CWC27: variants seen among roughly 807,000 people sequenced by gnomAD.
The protein encoded by CWC27 is spliceosome-associated protein CWC27 homolog.
A neutral mutation model predicts 63.6 loss-of-function variants in CWC27; 47 were observed. That is an observed-to-expected ratio of 0.74 (90% CI 0.58 to 0.94). The LOEUF is 0.94. Ranked by LOEUF, CWC27 falls within the 40% of genes least tolerant of loss-of-function variation. CWC27 has a pLI of 0.00. For synonymous variants in CWC27, 175 were observed against 179.8 expected (o/e 0.97, Z 0.22); for missense variants, 495 against 554.3 (o/e 0.89, Z 1.07).
rs140158447 is a variant in CWC27, at chr5:64,812,861, C to T, written c.938+8475C>T. Among the ~76,000 whole-genome samples, 399 of 152,136 alleles carry T rather than the reference C, an allele frequency of 2.6e-3. 3 individuals are homozygous for T. Among genetic ancestry groups the T allele is most frequent in the African/African-American group, 9.4e-3 (389 of 41,508 alleles). On this transcript the variant is annotated intron_variant, in intron 10 of 13. Transcript: ENST00000381070. The stretch of plus-strand genomic sequence containing the variant: ...ATTAATTACAATTCAGTATGACAAG[C>T]GCTCTGCTAGACGTGCATACAAAGT...
intron 13 of CWC27, among the ~76,000 whole-genome samples, chr5:64,996,940 GTGT>G (rs777330019): frequency 1.3e-5 from 2 of 152,000 alleles, no homozygotes; most frequent in African/African-American, 2.4e-5. Flanking sequence ...GTGATTGTTG[GTGT>G]TGTTGTTGTT....
chr5:65,017,659 A>C (rs1330828255), intron 13 of CWC27, among the ~76,000 whole-genome samples: 1 of 152,250 alleles, frequency 6.6e-6, no homozygotes, highest in Non-Finnish European at 1.5e-5. Flanking sequence ...CCCAGGAAAG[A>C]GAGTCATAAC....
At chr5:64,861,870 T>C (rs1746420278) in intron 10 of CWC27, among the ~76,000 whole-genome samples, 1 of 152,212 alleles carries the variant, frequency 6.6e-6, no homozygotes, top group South Asian at 2.1e-4. Flanking sequence ...TCCAAAGAAA[T>C]GTTCAATATC....
intron 10 of CWC27, among the ~76,000 whole-genome samples, chr5:64,814,074 T>C (rs1744960580): frequency 6.9e-6 from 1 of 145,014 alleles, no homozygotes; most frequent in Non-Finnish European, 1.5e-5. Context: ...GAGATTTTTT[T>C]TGCGATTTTT....
chr5:64,835,783 T>A (rs974611756), intron 10 of CWC27, among the ~76,000 whole-genome samples: 1 of 151,862 alleles, frequency 6.6e-6, no homozygotes, highest in Non-Finnish European at 1.5e-5. Flanking sequence ...TATATCTTCA[T>A]GTTTTATATT....
chr5:64,916,944 C>T (rs373142607), intron 11 of CWC27, among the ~76,000 whole-genome samples: 6 of 149,434 alleles, frequency 4.0e-5, no homozygotes, highest in South Asian at 2.1e-4. Context: ...TGGTAGTAGA[C>T]GACTTGTACT....
At chr5:64,782,920 G>T (rs373006619) in intron 3 of CWC27, among the ~76,000 whole-genome samples, 2 of 152,066 alleles carry the variant, frequency 1.3e-5, no homozygotes, top group African/African-American at 4.8e-5. Context: ...TAGATACTCC[G>T]TCTAGTCGGA....
chr5:64,909,143 A>T (rs1327475353), intron 11 of CWC27, among the ~76,000 whole-genome samples: 2 of 152,144 alleles, frequency 1.3e-5, no homozygotes, highest in Admixed American at 1.3e-4. Flanking sequence ...TCACTTATGA[A>T]GTTTAGTTTG....
chr5:65,016,008 A>G (rs1281252402), intron 13 of CWC27, among the ~76,000 whole-genome samples: 3 of 152,208 alleles, frequency 2.0e-5, no homozygotes, highest in African/African-American at 7.2e-5. Context: ...GTTGTCACTG[A>G]TTATTTAGAC....
chr5:64,972,770 C>G (rs374747793), intron 12 of CWC27: 1 of 429,316 alleles, frequency 2.3e-6, no homozygotes, highest in South Asian at 1.7e-5. Flanking sequence ...CCCCTCCCCC[C>G]ATTCCCTTGT....
At chr5:64,889,438 A>G (rs1032141993) in intron 11 of CWC27, among the ~76,000 whole-genome samples, 2 of 152,232 alleles carry the variant, frequency 1.3e-5, no homozygotes, top group Non-Finnish European at 1.5e-5. Context: ...AAAATGGCAC[A>G]TTTTGAGATG....
At chr5:64,802,465 G>A (rs1308514061) in intron 9 of CWC27, among the ~76,000 whole-genome samples, 2 of 152,252 alleles carry the variant, frequency 1.3e-5, no homozygotes, top group Non-Finnish European at 2.9e-5. Context: ...TAAAAAGAAG[G>A]ATGCTATGAT....
At chr5:64,924,956 GAC>G (rs36083384) in intron 11 of CWC27, among the ~76,000 whole-genome samples, 3,304 of 145,154 alleles carry the variant, frequency 0.023, 46 homozygotes, top group Non-Finnish European at 0.03. Flanking sequence ...GTCTTTCTTA[GAC>G]ACACACACAC....
At chr5:64,895,374 AC>A (rs1318120935) in intron 11 of CWC27, among the ~76,000 whole-genome samples, 2 of 152,136 alleles carry the variant, frequency 1.3e-5, no homozygotes, top group African/African-American at 4.8e-5. Flanking sequence ...AATTTGAGGG[AC>A]ATCATGGTCA....
intron 10 of CWC27, chr5:64,844,788 A>G (rs1341733635): frequency 9.5e-6 from 4 of 419,784 alleles, no homozygotes; most frequent in Non-Finnish European, 1.9e-5. Context: ...TAGAGCCTAG[A>G]CCTGTTTGAC....
chr5:64,900,986 G>A (rs533195965), intron 11 of CWC27, among the ~76,000 whole-genome samples: 199 of 151,514 alleles, frequency 1.3e-3, no homozygotes, highest in African/African-American at 4.5e-3. Context: ...AACATTATGA[G>A]ACTTTTTTGT....
At chr5:64,892,894 A>G (rs557591449) in intron 11 of CWC27, among the ~76,000 whole-genome samples, 61 of 152,366 alleles carry the variant, frequency 4.0e-4, no homozygotes, top group African/African-American at 1.4e-3. Context: ...TCATTAAAAT[A>G]AATCCTGAGC....
chr5:64,934,626 G>T (rs1164590857), intron 11 of CWC27, among the ~76,000 whole-genome samples: 2 of 152,138 alleles, frequency 1.3e-5, no homozygotes, highest in Admixed American at 6.5e-5. Context: ...CCAGTAATGG[G>T]ATTGCTGGGT....
At chr5:64,886,416 C>T (rs1474190366) in intron 11 of CWC27, among the ~76,000 whole-genome samples, 2 of 152,048 alleles carry the variant, frequency 1.3e-5, no homozygotes, top group Admixed American at 1.3e-4. Flanking sequence ...ATACTAAGTA[C>T]ATACATGTAC....
Sources: allele counts gnomAD v4.1 joint callset (sites outside exome capture counted in the v4.1 genomes callset), GRCh38; gene constraint gnomAD v4.1.1; transcripts MANE v1.5; gene names NCBI Gene and HGNC (gene_info 2026-07-23, HGNC 2026-07-21).